Variants in GTF2A1 observed in about 807,000 individuals in gnomAD.
The protein encoded by GTF2A1 is general transcription factor IIA subunit 1, also known as transcription initiation factor IIA subunit 1.
Under a neutral mutation model 54.1 loss-of-function variants are expected in GTF2A1, and 12 were observed. The ratio of observed to expected loss-of-function variants is 0.22; its 90% CI spans 0.14 to 0.36. The LOEUF is 0.36. GTF2A1 is among the 10% of genes least tolerant of loss of function. GTF2A1 has a pLI of 1.00. For synonymous variants in GTF2A1, 145 were observed against 152.0 expected, an observed-to-expected ratio of 0.95 and a Z score of 0.34; for missense variants, 335 against 442.2, an observed-to-expected ratio of 0.76 and a Z score of 2.17.
chr14:81,198,995 C>A (rs1021184169), intron 4 of GTF2A1, among the ~76,000 whole-genome samples: 1 of 151,882 alleles, frequency 6.6e-6, no homozygotes, highest in African/African-American at 2.4e-5. Flanking sequence ...CCGGGTGATT[C>A]GTATTTAAGT....
At position 81,192,535 on chromosome 14, in the gene GTF2A1, T is replaced by C; in HGVS notation, c.917A>G (p.Asp306Gly). The change falls in exon 7 of 9, where the codon GAT (aspartate) becomes GGT (glycine). Residue 306 changes from aspartate to glycine, a missense_variant. Physicochemically the swap from Asp to Gly is moderately conservative, Grantham distance 94. Around this residue, in one of 2 missense-constraint regions of GTF2A1, gnomAD observed 306 missense variants for 360.4 expected, o/e 0.85. Transcript: ENST00000553612. ...GAAACTTACTTCTTCCACCTGCCCA[T>C]CTTCAGCTCCATCTTTCTCTTTGTC... ...EEDKEKDGAE[D>G]GQVEEEPLNS... 2 of 1,608,044 alleles carry C rather than the reference T, an allele frequency of 1.2e-6. No homozygotes were observed. The highest frequency in any genetic ancestry group is 1.7e-6 in the Non-Finnish European group (2 of 1,177,068).
At chr14:81,199,155 A>G (rs578094902) in intron 4 of GTF2A1, among the ~76,000 whole-genome samples, 1 of 152,350 alleles carries the variant, frequency 6.6e-6, no homozygotes, top group East Asian at 1.9e-4. Flanking sequence ...TTAAGTGCCT[A>G]TAATTCATAT....
chr14:81,205,455 G>A (rs900086796), intron 2 of GTF2A1, among the ~76,000 whole-genome samples: 2 of 152,228 alleles, frequency 1.3e-5, no homozygotes, highest in African/African-American at 2.4e-5. Context: ...TATTCTTAGA[G>A]AGATGGTAAC....
At position 81,220,577 on chromosome 14, in the gene GTF2A1, C is replaced by CAA; in HGVS notation, c.-60_-59insTT. 1.5e-6 allele frequency: 2 copies of CAA among 1,350,044 alleles called. No homozygotes were observed. The highest frequency in any genetic ancestry group is 2.0e-6 in the Non-Finnish European group (2 of 1,003,314). The allele number at this position is 1,350,044 out of a possible 1,614,324, so 83.6% of individuals were successfully genotyped here. On this transcript the variant is annotated 5_prime_UTR_variant, in exon 1 of 9. Coordinates refer to ENST00000553612, the MANE Select transcript of GTF2A1 (RefSeq NM_015859.4). ...CCAAGAAAACAAGATAAAAACAAAA[C>CAA]CAAAAAAAAAAAAACTATAACACCC... is the stretch of plus-strand genomic sequence containing the variant.
At chr14:81,211,962 G>A (rs899571066) in intron 2 of GTF2A1, among the ~76,000 whole-genome samples, 4 of 146,502 alleles carry the variant, frequency 2.7e-5, no homozygotes, top group Admixed American at 6.8e-5. Flanking sequence ...TTTGGCCCCC[G>A]GCGACATCTG....
chr14:81,220,235 C>G (rs1433019468), intron 1 of GTF2A1, among the ~76,000 whole-genome samples: 1 of 145,270 alleles, frequency 6.9e-6, no homozygotes, highest in South Asian at 2.1e-4. Context: ...CTCCGCGGCC[C>G]GGCCCGGCCC....
intron 2 of GTF2A1, among the ~76,000 whole-genome samples, chr14:81,211,920 A>G (rs1043510018): frequency 9.2e-6 from 1 of 108,260 alleles, no homozygotes; most frequent in Non-Finnish European, 1.9e-5. Context: ...ACTAGAGTAT[A>G]TTTAGAATAG....
chr14:81,204,055 G>A lies in GTF2A1; in HGVS notation c.182C>T (p.Ser61Leu), dbSNP rs779698902. 5.0e-6 allele frequency: 8 copies of A among 1,613,758 alleles called. No homozygotes were observed. In the South Asian group the frequency reaches 7.7e-5, roughly 16 times the overall value. ...MQSRAVDGFHSEEQQLLLQVQ... is the reference protein window; with the variant it reads ...MQSRAVDGFHLEEQQLLLQVQ... The stretch of plus-strand genomic sequence containing the variant: ...TTGCAGTAGAAGCTGCTGCTCTTCT[G>A]AATGAAATCCATCTACTGCCCTGGA... The change falls in exon 3 of 9, where the codon TCA becomes TTA. Residue 61 changes from serine (S) to leucine (L), a missense_variant. By Grantham distance (145) the Ser-to-Leu change is moderately radical (BLOSUM62 -2). Around this residue, in one of 2 missense-constraint regions of GTF2A1, gnomAD observed 306 missense variants for 360.4 expected, o/e 0.85. Transcript: ENST00000553612.
intron 2 of GTF2A1, among the ~76,000 whole-genome samples, chr14:81,214,473 A>G (rs978723718): frequency 6.6e-6 from 1 of 151,916 alleles, no homozygotes; most frequent in Non-Finnish European, 1.5e-5. Context: ...GTGAAACCCC[A>G]TCTCTACTAA....
At position 81,202,835 on chromosome 14, in the gene GTF2A1, A is replaced by G. The variant is rs780734651; in HGVS notation, c.337+1065T>C. 2.6e-5 allele frequency: 13 copies of G among 501,188 alleles called. No individual in the cohort carries two copies. The Admixed American group carries it at 2.7e-4, about 11-fold the overall frequency. The allele number at this position is 501,188 out of a possible 1,614,324, so 31.0% of individuals were successfully genotyped here. A position where few individuals can be genotyped will look rare whatever the true frequency, so the allele number is the denominator to read the frequency against. The stretch of plus-strand genomic sequence containing the variant: ...AAGGCAACAGGAAGAACAGTCATCA[A>G]AAAAGAATAAAAGGATAAAATTATT... On this transcript the variant is annotated intron_variant, in intron 3 of 8. Transcript: ENST00000553612.
chr14:81,202,770 T>C, intron 3 of GTF2A1: 1 of 518,356 alleles, frequency 1.9e-6, no homozygotes, highest in South Asian at 1.4e-5. Flanking sequence ...GAAAATCAAA[T>C]TTTAATTTAT....
intron 3 of GTF2A1, among the ~76,000 whole-genome samples, chr14:81,201,935 G>A (rs1489722390): frequency 2.0e-5 from 3 of 152,086 alleles, no homozygotes; most frequent in East Asian, 3.9e-4. Flanking sequence ...CAAGGCGGGT[G>A]GATCACTTGA....
chr14:81,204,127 T>A (rs772661221), intron 2 of GTF2A1, 23 bp from the exon 3 acceptor site: 11 of 1,487,650 alleles, frequency 7.4e-6, no homozygotes, highest in Non-Finnish European at 1.0e-5. Flanking sequence ...ACATTAAAGA[T>A]TTCTAAGTGA....
At chr14:81,195,135 CAAAAAAAAAA>C in intron 6 of GTF2A1, among the ~76,000 whole-genome samples, 1 of 61,280 alleles carries the variant, frequency 1.6e-5, no homozygotes, top group Admixed American at 1.9e-4. Context: ...GACTCTGTCT[CAAAAAAAAAA>C]AAAAAAAAAG....
At chr14:81,199,119 G>C (rs1447562207) in intron 4 of GTF2A1, among the ~76,000 whole-genome samples, 1 of 151,714 alleles carries the variant, frequency 6.6e-6, no homozygotes, top group Non-Finnish European at 1.5e-5. Flanking sequence ...TATTTAAAAA[G>C]AAAAAAACAA....
intron 1 of GTF2A1, among the ~76,000 whole-genome samples, chr14:81,216,935 T>C (rs371125993): frequency 1.3e-5 from 2 of 152,354 alleles, no homozygotes; most frequent in African/African-American, 4.8e-5. Context: ...GTCATCTGCC[T>C]GGTAATAATC....
At position 81,192,716 on chromosome 14, in the gene GTF2A1, C is replaced by T. The variant is rs550854086; in HGVS notation, c.736G>A (p.Ala246Thr). 4 of 1,614,032 alleles carry T rather than the reference C, an allele frequency of 2.5e-6. No homozygotes were observed. In the South Asian group the frequency reaches 4.4e-5, roughly 18 times the overall value. Residue 246 changes from alanine to threonine, a missense_variant, in exon 7 of 9, where the codon GCC becomes ACC. Coordinates refer to ENST00000553612, the MANE Select transcript of GTF2A1 (RefSeq NM_015859.4). Reference sequence around the variant, plus strand: ...CCAGTTGCAGTTATCTGTGCTTGGGCTGGTGTAGGTGCTGCCACTGTCGTA... The same window carrying T: ...CCAGTTGCAGTTATCTGTGCTTGGGTTGGTGTAGGTGCTGCCACTGTCGTA... ...IPTTVAAPTP[A>T]QAQITATGQQ...
intron 1 of GTF2A1, among the ~76,000 whole-genome samples, chr14:81,217,319 A>C (rs1271735667): frequency 6.6e-6 from 1 of 152,222 alleles, no homozygotes; most frequent in African/African-American, 2.4e-5. Flanking sequence ...TAAAAACTAC[A>C]AAGTGGGAGA....
intron 2 of GTF2A1, among the ~76,000 whole-genome samples, chr14:81,210,615 T>C (rs8006036): frequency 0.77 from 117,793 of 152,074 alleles, 46,439 homozygotes; most frequent in African/African-American, 0.89. Flanking sequence ...AGTGCAATGG[T>C]GCGATCTCGG....
Sources: gnomAD v4.1 joint callset for allele counts (sites outside exome capture counted in the v4.1 genomes callset) on GRCh38, gnomAD v4.1.1 for gene constraint, gnomAD v4.1.1 regional missense constraint, MANE v1.5 for transcripts, NCBI Gene and HGNC (gene_info 2026-07-23, HGNC 2026-07-21) for gene names.